Variants in CDK13 observed in about 807,000 individuals in gnomAD.
CDK13 encodes the protein cyclin dependent kinase 13, also known as cyclin-dependent kinase 13.
CDK13 carries 40 observed loss-of-function variants against 137.6 expected under a neutral mutation model. The ratio of observed to expected loss-of-function variants is 0.29; its 90% CI spans 0.23 to 0.38. The LOEUF (loss-of-function observed/expected upper bound fraction) is 0.38. Ranked by LOEUF, CDK13 falls within the 10% of genes least tolerant of loss-of-function variation. The pLI is 1.00. For synonymous variants in CDK13, 869 were observed against 760.1 expected, an observed-to-expected ratio of 1.14 and a Z score of -2.36; for missense variants, 1,704 against 1,951.8, an observed-to-expected ratio of 0.87 and a Z score of 2.39.
chr7:39,975,033 A>G (rs1784077332), intron 1 of CDK13, among the ~76,000 whole-genome samples: 1 of 152,152 alleles, frequency 6.6e-6, no homozygotes, highest in South Asian at 2.1e-4. Context: ...ATTTTTTAAT[A>G]AAAATAATGA....
Position 39,951,125 on chromosome 7 carries a change from G to T in CDK13, c.484G>T (p.Ala162Ser), listed in dbSNP as rs575159200. ...CGAGCAGGGGCTGCTGCTGGGGGGGGCCAGCGCGGCAACGGCGGCGACGGC... is the reference window on the plus strand; with the variant it reads ...CGAGCAGGGGCTGCTGCTGGGGGGGTCCAGCGCGGCAACGGCGGCGACGGC... Reference protein sequence around the residue: ...QSEQGLLLGGASAATAATAAG... With the variant: ...QSEQGLLLGGSSAATAATAAG... Residue 162 changes from alanine to serine, a missense_variant, in exon 1 of 14, where the codon GCC (alanine) becomes TCC (serine). By Grantham distance (99) the Ala-to-Ser change is moderately conservative. Coordinates refer to ENST00000181839, the MANE Select transcript of CDK13 (RefSeq NM_003718.5). 4.8e-6 allele frequency: 6 copies of T among 1,244,056 alleles called. No individual in the cohort carries two copies. Among genetic ancestry groups the T allele is most frequent in the Non-Finnish European group, 6.0e-6 (6 of 995,294 alleles). The allele number at this position is 1,244,056 out of a possible 1,614,324, so 77.1% of individuals were successfully genotyped here. A position where few individuals can be genotyped will look rare whatever the true frequency, so the allele number is the denominator to read the frequency against.
intron 7 of CDK13, chr7:40,062,509 T>C (rs1048525776): frequency 1.7e-5 from 4 of 237,990 alleles, no homozygotes; most frequent in Non-Finnish European, 3.3e-5. Context: ...CTCGATCTCC[T>C]GACCTCGTGA....
In CDK13 at chr7:40,039,718, C is replaced by T. The variant is rs368424426; in HGVS notation, c.2354-6118C>T. Among the ~76,000 whole-genome samples, 366 of 152,216 alleles carry T rather than the reference C, an allele frequency of 2.4e-3. 2 individuals carry two copies. The highest frequency in any genetic ancestry group is 8.4e-3 in the African/African-American group (349 of 41,536). Reference sequence around the variant, plus strand: ...AAGTACTGGGATTACAGGCGTGAGCCACCGTGCCTGGACTGTAGTTGATAC... The same window carrying T: ...AAGTACTGGGATTACAGGCGTGAGCTACCGTGCCTGGACTGTAGTTGATAC... On this transcript the variant is annotated intron_variant, in intron 5 of 13. Coordinates refer to ENST00000181839, the MANE Select transcript of CDK13 (RefSeq NM_003718.5).
At chr7:39,978,043 G>C (rs1272215234) in intron 1 of CDK13, among the ~76,000 whole-genome samples, 1 of 152,130 alleles carries the variant, frequency 6.6e-6, no homozygotes, top group East Asian at 1.9e-4. Context: ...AAGCTTAATA[G>C]TTTTAGCTGT....
At chr7:40,093,544 C>T (rs1446155881) in intron 13 of CDK13, among the ~76,000 whole-genome samples, 1 of 152,148 alleles carries the variant, frequency 6.6e-6, no homozygotes, top group Non-Finnish European at 1.5e-5. Flanking sequence ...TTTATGTACA[C>T]AGTAGCTTTT....
chr7:39,999,532 C>G, intron 4 of CDK13, 32 bp downstream of exon 4: 5 of 1,561,676 alleles, frequency 3.2e-6, no homozygotes, highest in Non-Finnish European at 4.3e-6. Flanking sequence ...GATCTTTGGG[C>G]CTACGGAATG....
At chr7:40,091,512 CAA>C (rs571015632) in intron 12 of CDK13, among the ~76,000 whole-genome samples, 2 of 135,158 alleles carry the variant, frequency 1.5e-5, no homozygotes, top group African/African-American at 2.7e-5. Flanking sequence ...GACTCTGTCT[CAA>C]AAAAAAAAAA....
rs753020794 is a variant in CDK13, at chr7:40,064,152, C to G, written c.2780+1052C>G. 3.5e-3 allele frequency among the ~76,000 whole-genome samples: 535 copies of G among 151,896 alleles called. 3 individuals are homozygous for G. Among genetic ancestry groups the G allele is most frequent in the Non-Finnish European group, 5.7e-3 (386 of 67,914 alleles). Reference sequence around the variant, plus strand: ...ATACAAAATTAGCCCGGCGTGGTGGCCCACGCCTATAATCCCAACTACTTG... The same window carrying G: ...ATACAAAATTAGCCCGGCGTGGTGGGCCACGCCTATAATCCCAACTACTTG... On this transcript the variant is annotated intron_variant, in intron 9 of 13. Transcript: ENST00000181839.
chr7:40,028,849 A>G (rs1007037793), intron 5 of CDK13, among the ~76,000 whole-genome samples: 2 of 151,730 alleles, frequency 1.3e-5, no homozygotes, highest in Non-Finnish European at 2.9e-5. Context: ...TAATGCAAAT[A>G]TACATAAAGA....
chr7:39,991,783 T>A (rs1271323913), intron 2 of CDK13, among the ~76,000 whole-genome samples: 1 of 152,018 alleles, frequency 6.6e-6, no homozygotes, highest in Non-Finnish European at 1.5e-5. Flanking sequence ...GGCTCACAGT[T>A]GTAATCCCAA....
Position 40,087,552 on chromosome 7 carries a change from T to TTG in CDK13, c.3030-573_3030-572insGT, listed in dbSNP as rs1386749728. Among the ~76,000 whole-genome samples, 150 of 147,516 alleles carry TTG rather than the reference T, an allele frequency of 1.0e-3. 2 individuals are homozygous for TTG. Among genetic ancestry groups the TTG allele is most frequent in the African/African-American group, 3.5e-3 (138 of 39,394 alleles). ...CACCAACAGCAATAGTGGTGTTTTTTTTTTTTTTTTTTTTGAGACGGAGTC... is the reference window on the plus strand; with the variant it reads ...CACCAACAGCAATAGTGGTGTTTTTTTGTTTTTTTTTTTTTTGAGACGGAGTC... On this transcript the variant is annotated intron_variant, in intron 11 of 13. Transcript: ENST00000181839.
chr7:39,992,605 T>C (rs1471779230), intron 2 of CDK13, among the ~76,000 whole-genome samples: 3 of 151,806 alleles, frequency 2.0e-5, no homozygotes, highest in South Asian at 2.1e-4. Flanking sequence ...AAATCAACAG[T>C]AGTTAATCTA....
intron 1 of CDK13, among the ~76,000 whole-genome samples, chr7:39,963,333 C>T (rs1033752747): frequency 6.6e-6 from 1 of 152,124 alleles, no homozygotes; most frequent in Non-Finnish European, 1.5e-5. Flanking sequence ...TTGAAGAGGT[C>T]CTTCACATCC....
At chr7:39,955,859 A>G (rs188347889) in intron 1 of CDK13, among the ~76,000 whole-genome samples, 3 of 152,302 alleles carry the variant, frequency 2.0e-5, no homozygotes, top group African/African-American at 7.2e-5. Context: ...AATCCGTGCA[A>G]GAAATTATTA....
chr7:40,012,592 G>A (rs937570765), intron 5 of CDK13, among the ~76,000 whole-genome samples: 17 of 151,682 alleles, frequency 1.1e-4, no homozygotes, highest in African/African-American at 3.9e-4. Flanking sequence ...AGAGTGAGAT[G>A]TTGTCAAATA....
At chr7:39,974,392 A>G (rs1376176053) in intron 1 of CDK13, among the ~76,000 whole-genome samples, 2 of 152,056 alleles carry the variant, frequency 1.3e-5, no homozygotes, top group African/African-American at 4.8e-5. Flanking sequence ...TAACAATTTA[A>G]GTCATCTAAT....
At chr7:40,004,026 C>T (rs1029418405) in intron 5 of CDK13, among the ~76,000 whole-genome samples, 2 of 152,162 alleles carry the variant, frequency 1.3e-5, no homozygotes, top group African/African-American at 2.4e-5. Flanking sequence ...GGGAACCATA[C>T]CTGTTTTCTT....
At chr7:39,985,687 A>G (rs1011624048) in intron 1 of CDK13, 2 of 152,168 alleles carry the variant, frequency 1.3e-5, no homozygotes, top group African/African-American at 4.8e-5. Context: ...GTTAAAAAAA[A>G]TGCTGAGTTT....
At chr7:40,060,819 G>C (rs1786125589) in intron 7 of CDK13, 2 of 152,286 alleles carry the variant, frequency 1.3e-5, no homozygotes, top group East Asian at 1.9e-4. Context: ...TATAATCCCA[G>C]CACTTTGGGA....
Sources: gnomAD v4.1 joint callset for allele counts (sites outside exome capture counted in the v4.1 genomes callset) on GRCh38, gnomAD v4.1.1 for gene constraint, MANE v1.5 for transcripts, NCBI Gene and HGNC (gene_info 2026-07-23, HGNC 2026-07-21) for gene names.